The following TENM3 variants were observed in gnomAD, a reference collection of about 807,000 sequenced individuals.
The protein encoded by TENM3 is teneurin transmembrane protein 3.
TENM3 carries 63 observed loss-of-function variants against 255.1 expected under a neutral mutation model. That is an observed-to-expected ratio of 0.25 (90% CI 0.20 to 0.30). TENM3 has a LOEUF of 0.30. TENM3 is among the 10% of genes least tolerant of loss of function. The pLI, the probability that TENM3 is intolerant of heterozygous loss-of-function variation, is 1.00. For missense variants in TENM3, 2,929 were observed against 3,461.1 expected, an observed-to-expected ratio of 0.85 and a Z score of 3.86; for synonymous variants, 1,306 against 1,322.3, an observed-to-expected ratio of 0.99 and a Z score of 0.27.
intron 3 of TENM3, among the ~76,000 whole-genome samples, chr4:182,585,675 A>G (rs907551995): frequency 6.6e-6 from 1 of 152,238 alleles, no homozygotes; most frequent in Non-Finnish European, 1.5e-5. Context: ...CACCCAGTCT[A>G]TGGCATTTTG....
At chr4:182,216,590 G>A (rs1256367255) in intron 1 of TENM3, among the ~76,000 whole-genome samples, 1 of 152,236 alleles carries the variant, frequency 6.6e-6, no homozygotes, top group Non-Finnish European at 1.5e-5. Context: ...TGATGTACGT[G>A]TGAGGATACA....
the TENM3 span, among the ~76,000 whole-genome samples, chr4:181,578,717 G>T: frequency 6.6e-6 from 1 of 152,132 alleles, no homozygotes; most frequent in African/African-American, 2.4e-5. Context: ...GCTGCAGATG[G>T]CCACCTCCCC....
At chr4:182,244,713 T>A (rs569390404) in intron 1 of TENM3, among the ~76,000 whole-genome samples, 17 of 152,342 alleles carry the variant, frequency 1.1e-4, no homozygotes, top group African/African-American at 1.7e-4. Context: ...ATTCTCATGA[T>A]GTGTAACATA....
At chr4:182,187,676 G>A (rs1258728490) in intron 1 of TENM3, among the ~76,000 whole-genome samples, 1 of 151,532 alleles carries the variant, frequency 6.6e-6, no homozygotes, top group Non-Finnish European at 1.5e-5. Context: ...AAAAAATGAG[G>A]AAGAAAAGAA....
rs576031615 is a variant in TENM3 at position 182,662,122 on chromosome 4, A to G, written c.1111+8229A>G. On this transcript the variant is annotated intron_variant, in intron 6 of 27. Coordinates refer to ENST00000511685, the MANE Select transcript of TENM3 (RefSeq NM_001080477.4). ...CAGTTCAAAGTACTTTTGAAAAGGCATTATCTGAAAAGCTGTCACTCCACT... is the reference window on the plus strand; with the variant it reads ...CAGTTCAAAGTACTTTTGAAAAGGCGTTATCTGAAAAGCTGTCACTCCACT... 2.0e-5 allele frequency among the ~76,000 whole-genome samples: 3 copies of G among 152,328 alleles called. No homozygotes were observed. The South Asian group carries it at 6.2e-4, about 32-fold the overall frequency.
intron 1 of TENM3, among the ~76,000 whole-genome samples, chr4:182,319,955 A>G (rs942550567): frequency 2.6e-5 from 4 of 152,140 alleles, no homozygotes; most frequent in Admixed American, 6.5e-5. Flanking sequence ...TCTACTAAAA[A>G]TATACAAATT....
At chr4:182,501,381 G>A (rs1736309041) in intron 3 of TENM3, among the ~76,000 whole-genome samples, 1 of 146,738 alleles carries the variant, frequency 6.8e-6, no homozygotes, top group African/African-American at 2.5e-5. Flanking sequence ...AGTGGGGGGG[G>A]GGGTTGGCAA....
At chr4:182,794,163 CA>C (rs1766319310) in intron 26 of TENM3, among the ~76,000 whole-genome samples, 2 of 152,164 alleles carry the variant, frequency 1.3e-5, no homozygotes, top group Admixed American at 1.3e-4. Flanking sequence ...CATGGGGGAC[CA>C]AAAAACATGA....
At chr4:182,081,583 C>CAAAAAAAAAAA in the TENM3 span, among the ~76,000 whole-genome samples, 3 of 87,530 alleles carry the variant, frequency 3.4e-5, no homozygotes, top group Admixed American at 1.4e-4. Context: ...GGCTCTGCCT[C>CAAAAAAAAAAA]AAAAAAAAAA....
chr4:182,107,373 G>T, the TENM3 span, among the ~76,000 whole-genome samples: 13 of 152,216 alleles, frequency 8.5e-5, no homozygotes, highest in Non-Finnish European at 1.9e-4. Context: ...TACGCCCCGG[G>T]TGTCACATGA....
chr4:181,964,767 A>T, the TENM3 span, among the ~76,000 whole-genome samples: 3 of 152,234 alleles, frequency 2.0e-5, no homozygotes, highest in African/African-American at 7.2e-5. Flanking sequence ...CCGGTGAGAG[A>T]GTAAACGTAG....
At chr4:182,484,414 C>G (rs1229909302) in intron 3 of TENM3, among the ~76,000 whole-genome samples, 4 of 152,126 alleles carry the variant, frequency 2.6e-5, no homozygotes, top group African/African-American at 9.7e-5. Context: ...TTTATAGGCT[C>G]TGTTTCCTTG....
the TENM3 span, among the ~76,000 whole-genome samples, chr4:181,878,659 G>C: frequency 6.6e-6 from 1 of 151,908 alleles, no homozygotes. Context: ...TGGCTCATCT[G>C]TCTATTCATT....
At chr4:182,777,547 C>CTTTTTTTTTTTTTTT (rs1157448732) in intron 24 of TENM3, among the ~76,000 whole-genome samples, 2 of 45,468 alleles carry the variant, frequency 4.4e-5, no homozygotes, top group African/African-American at 8.6e-5. Flanking sequence ...GTGTGTATTT[C>CTTTTTTTTTTTTTTT]TTTTTTTTTT....
chr4:182,209,664 C>T (rs193052713), intron 1 of TENM3, among the ~76,000 whole-genome samples: 3 of 152,220 alleles, frequency 2.0e-5, no homozygotes, highest in Non-Finnish European at 2.9e-5. Flanking sequence ...TGTGTAAATG[C>T]GTCTGTTACC....
chr4:181,526,428 A>G, the TENM3 span, among the ~76,000 whole-genome samples: 6 of 152,168 alleles, frequency 3.9e-5, no homozygotes, highest in Non-Finnish European at 8.8e-5. Context: ...ACTTCACTGT[A>G]TCTGCTTAAG....
the TENM3 span, among the ~76,000 whole-genome samples, chr4:181,730,122 C>A: frequency 6.6e-6 from 1 of 151,988 alleles, no homozygotes; most frequent in South Asian, 2.1e-4. Context: ...CAGCAGGTTT[C>A]GGGGGAAAGC....
the TENM3 span, among the ~76,000 whole-genome samples, chr4:182,094,831 A>T: frequency 1.3e-5 from 2 of 152,162 alleles, no homozygotes; most frequent in Non-Finnish European, 2.9e-5. Flanking sequence ...GACAGGCTTC[A>T]GGAAAGAATC....
At chr4:181,698,659 C>G in the TENM3 span, among the ~76,000 whole-genome samples, 1 of 152,154 alleles carries the variant, frequency 6.6e-6, no homozygotes, top group Non-Finnish European at 1.5e-5. Flanking sequence ...ATTCTAACCT[C>G]AAATCTGCCA....
Sources: allele counts gnomAD v4.1 joint callset (sites outside exome capture counted in the v4.1 genomes callset), GRCh38; gene constraint gnomAD v4.1.1; transcripts MANE v1.5; gene names NCBI Gene and HGNC (gene_info 2026-07-23, HGNC 2026-07-21).